Variants in PLSCR2 observed in about 807,000 individuals in gnomAD.
The protein encoded by PLSCR2 is phospholipid scramblase 2.
Under a neutral mutation model 25.3 loss-of-function variants are expected in PLSCR2, and 18 were observed. That is an observed-to-expected ratio of 0.71 (90% CI 0.49 to 1.06). PLSCR2 has a LOEUF of 1.06. Among genes scored for constraint, PLSCR2 ranks in the 50% least tolerant of loss-of-function variants. PLSCR2 has a pLI of 0.00. For synonymous variants in PLSCR2, 88 were observed against 87.3 expected (o/e 1.01, Z -0.04); for missense variants, 243 against 269.5 (o/e 0.90, Z 0.69).
intron 3 of PLSCR2, among the ~76,000 whole-genome samples, chr3:146,456,522 G>A (rs1417782498): frequency 2.0e-5 from 3 of 152,126 alleles, no homozygotes; most frequent in African/African-American, 7.2e-5. Flanking sequence ...CCAACTAATT[G>A]TTTAATTATG....
chr3:146,441,032 CTT>C (rs2040210414), downstream of PLSCR2, among the ~76,000 whole-genome samples: 1 of 152,096 alleles, frequency 6.6e-6, no homozygotes, highest in Non-Finnish European at 1.5e-5. Context: ...ATGAGTCTGT[CTT>C]TTGGATAGAC....
chr3:146,432,622 A>C (rs2039587737), downstream of PLSCR2, among the ~76,000 whole-genome samples: 1 of 152,174 alleles, frequency 6.6e-6, no homozygotes, highest in African/African-American at 2.4e-5. Flanking sequence ...AAGGACAAAA[A>C]TACTTTTATA....
chr3:146,494,678 G>C (rs1198722909), intron 1 of PLSCR2: 5 of 152,042 alleles, frequency 3.3e-5, no homozygotes, highest in Admixed American at 3.3e-4. Context: ...AAACACTCAT[G>C]GTTTAAATAC....
At chr3:146,395,409 T>C (rs1440728643) in intron 3 of PLSCR2, among the ~76,000 whole-genome samples, 1 of 152,220 alleles carries the variant, frequency 6.6e-6, no homozygotes, top group African/African-American at 2.4e-5. Flanking sequence ...AAATTAACAA[T>C]ATATTACCAT....
intron 1 of PLSCR2, among the ~76,000 whole-genome samples, chr3:146,487,823 C>T (rs1305480105): frequency 1.3e-5 from 2 of 152,010 alleles, no homozygotes; most frequent in African/African-American, 2.4e-5. Context: ...AAAAAAACTG[C>T]TTTAAATTTC....
At chr3:146,432,758 GAAGTT>G (rs1402792894), downstream of PLSCR2, among the ~76,000 whole-genome samples, 23 of 152,228 alleles carry the variant, frequency 1.5e-4, no homozygotes, top group Non-Finnish European at 2.6e-4. Flanking sequence ...GTATATCATG[GAAGTT>G]AAGCCACAGA....
chr3:146,479,618 C>T (rs1408265673), intron 1 of PLSCR2, among the ~76,000 whole-genome samples: 1 of 152,184 alleles, frequency 6.6e-6, no homozygotes, highest in Non-Finnish European at 1.5e-5. Flanking sequence ...GAGACTTAGA[C>T]TCCCACACAA....
At chr3:146,474,102 A>G (rs936509819) in intron 1 of PLSCR2, among the ~76,000 whole-genome samples, 1 of 138,920 alleles carries the variant, frequency 7.2e-6, no homozygotes, top group African/African-American at 2.6e-5. Flanking sequence ...TTACTTTTGT[A>G]TATGTATATT....
At chr3:146,454,124 C>G in exon 5 of PLSCR2, 1 of 1,604,720 alleles carries the variant, frequency 6.2e-7, no homozygotes, top group Non-Finnish European at 8.5e-7. Context: ...GTCTGAGTAA[C>G]ATAACCTACT....
At chr3:146,459,850 G>C (rs1350214784) in exon 2 of PLSCR2, 2 of 1,589,348 alleles carry the variant, frequency 1.3e-6, no homozygotes, top group Admixed American at 3.4e-5. Flanking sequence ...GAAATTACCT[G>C]ACTTAAGTAT....
downstream of PLSCR2, among the ~76,000 whole-genome samples, chr3:146,439,641 T>C (rs2040113067): frequency 6.6e-6 from 1 of 152,212 alleles, no homozygotes. Context: ...AGGTCTTCTT[T>C]ATGCTGTTTA....
intron 2 of PLSCR2, among the ~76,000 whole-genome samples, chr3:146,409,587 A>G (rs1025837326): frequency 2.0e-5 from 3 of 152,124 alleles, no homozygotes; most frequent in Admixed American, 1.3e-4. Context: ...GTAGGATTCA[A>G]TGACCCTTCA....
At chr3:146,433,868 T>A (rs2039656746) in intron 8 of PLSCR2, among the ~76,000 whole-genome samples, 1 of 152,184 alleles carries the variant, frequency 6.6e-6, no homozygotes, top group South Asian at 2.1e-4. Context: ...GTTATTGGCT[T>A]TGGTAGAGTT....
chr3:146,471,095 G>A (rs1477588490), intron 1 of PLSCR2, among the ~76,000 whole-genome samples: 1 of 151,536 alleles, frequency 6.6e-6, no homozygotes, highest in Non-Finnish European at 1.5e-5. Flanking sequence ...CTTCTCTGAT[G>A]TGTTTTTCAC....
intron 1 of PLSCR2, among the ~76,000 whole-genome samples, chr3:146,488,963 T>C (rs1409620611): frequency 6.6e-6 from 1 of 152,124 alleles, no homozygotes; most frequent in African/African-American, 2.4e-5. Context: ...ATGGTATATA[T>C]ACACCATGGA....
chr3:146,441,641 T>G (rs554457767), downstream of PLSCR2: 10 of 570,478 alleles, frequency 1.8e-5, no homozygotes, highest in East Asian at 2.3e-4. Context: ...GCTACAAGCA[T>G]CATAGCTTAA....
chr3:146,399,381 C>T (rs12054308), intron 2 of PLSCR2, among the ~76,000 whole-genome samples: 79,768 of 151,592 alleles, frequency 0.53, 21,251 homozygotes, highest in South Asian at 0.71. Context: ...AACATAGATG[C>T]AATCCTCAAA....
chr3:146,478,465 A>G (rs1350996355), intron 1 of PLSCR2, among the ~76,000 whole-genome samples: 2 of 152,232 alleles, frequency 1.3e-5, no homozygotes, highest in Non-Finnish European at 2.9e-5. Context: ...TCAGTAGCTG[A>G]TTCGATCAAG....
chr3:146,443,689 C>T (rs2040381207), intron 6 of PLSCR2, among the ~76,000 whole-genome samples: 1 of 151,614 alleles, frequency 6.6e-6, no homozygotes, highest in Admixed American at 6.6e-5. Context: ...GTTGATTTGG[C>T]TTATCTTTCC....
Sources: allele counts gnomAD v4.1 joint callset (sites outside exome capture counted in the v4.1 genomes callset), GRCh38; gene constraint gnomAD v4.1.1; transcripts MANE v1.5; gene names NCBI Gene and HGNC (gene_info 2026-07-23, HGNC 2026-07-21).